Variants in CEP128 observed in about 807,000 individuals in gnomAD.
CEP128 encodes the protein centrosomal protein 128kDa.
CEP128 carries 132 observed loss-of-function variants against 156.7 expected under a neutral mutation model. The observed-to-expected ratio is 0.84, with a 90% CI of 0.73 to 0.97. CEP128 has a LOEUF of 0.97. Among genes scored for constraint, CEP128 ranks in the 50% least tolerant of loss-of-function variants. The pLI, the probability that CEP128 is intolerant of heterozygous loss-of-function variation, is 0.00. For synonymous variants in CEP128, 469 were observed against 448.9 expected, an observed-to-expected ratio of 1.04 and a Z score of -0.57; for missense variants, 1,252 against 1,281.9, an observed-to-expected ratio of 0.98 and a Z score of 0.36.
At chr14:80,551,446 G>T (rs1046181684) in intron 21 of CEP128, among the ~76,000 whole-genome samples, 1 of 152,192 alleles carries the variant, frequency 6.6e-6, no homozygotes, top group Non-Finnish European at 1.5e-5. Flanking sequence ...GGCAAAGCCA[G>T]TCCTTACTGT....
intron 8 of CEP128, among the ~76,000 whole-genome samples, chr14:80,887,028 C>A (rs529285930): frequency 3.3e-5 from 5 of 151,930 alleles, no homozygotes; most frequent in Non-Finnish European, 5.9e-5. Flanking sequence ...TCAAAAAAGA[C>A]AAAGGGCATT....
Position 80,572,991 on chromosome 14 carries a change from C to T in CEP128, c.2856+7383G>A, listed in dbSNP as rs189476589. Among the ~76,000 whole-genome samples, 95 of 152,260 alleles carry T rather than the reference C, an allele frequency of 6.2e-4. 1 individual carries two copies. Among genetic ancestry groups the T allele is most frequent in the East Asian group, 6.0e-3 (31 of 5,172 alleles). ...AGGCTAGAGTGCAATGGCGCGATCT[C>T]GGCTCACCGCAACCTCTGCCTCTCA... On this transcript the variant is annotated intron_variant, in intron 20 of 24. Transcript: ENST00000555265.
chr14:80,787,485 G>A (rs1200857499), intron 14 of CEP128, among the ~76,000 whole-genome samples: 3 of 152,024 alleles, frequency 2.0e-5, no homozygotes, highest in Non-Finnish European at 4.4e-5. Flanking sequence ...TTCTATTGAG[G>A]GCTCATGTGA....
Position 80,761,552 on chromosome 14 carries a change from A to G in CEP128, c.2438T>C (p.Leu813Pro). ...CTCCAAGCAAAGAAGTTGATCCTTG[A>G]GCTGCAATCTGGCCTCTTCCATCCT... ...LRRMEEARLQ[L>P]KDQLLCLETE... is the part of the protein sequence containing the mutation. The change falls in exon 17 of 25, where the codon CTC becomes CCC. Residue 813 changes from leucine to proline, a missense_variant. Leu to Pro is a moderately conservative substitution (Grantham distance 98, BLOSUM62 -3). Transcript: ENST00000555265. 1.9e-6 allele frequency: 3 copies of G among 1,613,084 alleles called. No homozygotes were observed. The highest frequency in any genetic ancestry group is 2.5e-6 in the Non-Finnish European group (3 of 1,179,256).
At chr14:80,874,571 A>G (rs1291401088) in intron 8 of CEP128, among the ~76,000 whole-genome samples, 1 of 152,198 alleles carries the variant, frequency 6.6e-6, no homozygotes, top group Non-Finnish European at 1.5e-5. Flanking sequence ...AGACTAGATA[A>G]TTCAGTTGAA....
At chr14:80,516,041 T>C (rs1200741921) in intron 23 of CEP128, among the ~76,000 whole-genome samples, 1 of 152,156 alleles carries the variant, frequency 6.6e-6, no homozygotes, top group African/African-American at 2.4e-5. Flanking sequence ...AACTTTTTTG[T>C]ATTTTTAGTA....
At chr14:80,940,105 C>A (rs1886062037) in intron 1 of CEP128, among the ~76,000 whole-genome samples, 1 of 152,012 alleles carries the variant, frequency 6.6e-6, no homozygotes, top group Admixed American at 6.5e-5. Context: ...AGGAAGTGAT[C>A]CAGAGAACTG....
chr14:80,772,422 C>A (rs938221591), intron 16 of CEP128, among the ~76,000 whole-genome samples: 2 of 152,094 alleles, frequency 1.3e-5, no homozygotes, highest in African/African-American at 4.8e-5. Flanking sequence ...CCCACTCCAT[C>A]CCCCCTCCAG....
chr14:80,791,191 T>C (rs1901688293), intron 14 of CEP128, among the ~76,000 whole-genome samples: 1 of 152,168 alleles, frequency 6.6e-6, no homozygotes, highest in Non-Finnish European at 1.5e-5. Context: ...TCTTTTTTCC[T>C]TGAAAAACCA....
At chr14:80,821,612 C>T (rs1007721492) in intron 13 of CEP128, among the ~76,000 whole-genome samples, 43 of 65,514 alleles carry the variant, frequency 6.6e-4, no homozygotes, top group African/African-American at 1.4e-3. Context: ...CACACACACA[C>T]ACACACACAC....
chr14:80,589,338 A>G (rs535075949), intron 19 of CEP128, among the ~76,000 whole-genome samples: 110 of 152,244 alleles, frequency 7.2e-4, no homozygotes, highest in Admixed American at 1.0e-3. Flanking sequence ...ACACCTTAGA[A>G]CTTTCATTAA....
chr14:80,844,237 A>G (rs1459492238), intron 9 of CEP128, among the ~76,000 whole-genome samples: 1 of 152,094 alleles, frequency 6.6e-6, no homozygotes, highest in Non-Finnish European at 1.5e-5. Context: ...TCCCTGAACC[A>G]ATATCTAATT....
chr14:80,498,996 C>T (rs973914119), intron 24 of CEP128, among the ~76,000 whole-genome samples: 4 of 152,114 alleles, frequency 2.6e-5, no homozygotes, highest in Admixed American at 6.6e-5. Flanking sequence ...GGCGTTTAAC[C>T]GATCAGTAAA....
chr14:80,821,865 G>C (rs1321940528), intron 13 of CEP128, among the ~76,000 whole-genome samples: 2 of 152,078 alleles, frequency 1.3e-5, no homozygotes, highest in East Asian at 3.9e-4. Flanking sequence ...ACAAAAGAAA[G>C]AGGTTTAAAG....
intron 14 of CEP128, among the ~76,000 whole-genome samples, chr14:80,791,712 GA>G: frequency 6.6e-6 from 1 of 152,288 alleles, no homozygotes; most frequent in South Asian, 2.1e-4. Context: ...GTATGTGTCA[GA>G]TGGGTTAAAA....
At chr14:80,516,435 G>T (rs774689033) in intron 23 of CEP128, among the ~76,000 whole-genome samples, 58 of 152,162 alleles carry the variant, frequency 3.8e-4, no homozygotes, top group Admixed American at 7.9e-4. Flanking sequence ...CCTCAGTTGG[G>T]GGAAAGGTGA....
At chr14:80,557,247 C>T (rs1246576886) in intron 21 of CEP128, among the ~76,000 whole-genome samples, 1 of 152,066 alleles carries the variant, frequency 6.6e-6, no homozygotes, top group Admixed American at 6.5e-5. Context: ...TTCAGTTTTG[C>T]ATAGTATATA....
intron 18 of CEP128, among the ~76,000 whole-genome samples, chr14:80,754,456 GTTCT>G (rs1899541568): frequency 7.6e-6 from 1 of 131,524 alleles, no homozygotes; most frequent in African/African-American, 3.0e-5. Context: ...ACAATGTCCT[GTTCT>G]TTTTTTTTTT....
At chr14:80,534,162 T>G (rs1363922186) in intron 21 of CEP128, among the ~76,000 whole-genome samples, 1 of 152,198 alleles carries the variant, frequency 6.6e-6, no homozygotes, top group East Asian at 1.9e-4. Context: ...TCTCTGCATG[T>G]ATGTGAGTGT....
Sources: gnomAD v4.1 joint callset for allele counts (sites outside exome capture counted in the v4.1 genomes callset) on GRCh38, gnomAD v4.1.1 for gene constraint, MANE v1.5 for transcripts, NCBI Gene and HGNC (gene_info 2026-07-23, HGNC 2026-07-21) for gene names.